The following SORCS1 variants were observed in gnomAD, a reference collection of about 807,000 sequenced individuals.
SORCS1 encodes the protein sortilin related VPS10 domain containing receptor 1, also known as VPS10 domain-containing receptor SorCS1.
A neutral mutation model predicts 146.1 loss-of-function variants in SORCS1; 60 were observed. That is an observed-to-expected ratio of 0.41 (90% confidence interval 0.33 to 0.51). The LOEUF (loss-of-function observed/expected upper bound fraction) is 0.51, where lower values mean the gene tolerates loss of function less well. SORCS1 is among the 20% of genes least tolerant of loss of function. The pLI is 0.21. For missense variants in SORCS1, 1,352 were observed against 1,487.6 expected (o/e 0.91, Z 1.50); for synonymous variants, 637 against 584.0 (o/e 1.09, Z -1.31).
At chr10:107,012,106 C>G (rs564567939) in intron 1 of SORCS1, among the ~76,000 whole-genome samples, 2 of 152,032 alleles carry the variant, frequency 1.3e-5, no homozygotes, top group Non-Finnish European at 2.9e-5. Context: ...GATTTTTTTT[C>G]GTGAGTTCCT....
chr10:106,671,516 G>T, intron 15 of SORCS1, 149 bp from the exon 16 acceptor site: 1 of 1,061,150 alleles, frequency 9.4e-7, no homozygotes, highest in Non-Finnish European at 1.4e-6. Context: ...TTCCTTTTGC[G>T]GTCTAGAGCC....
chr10:106,976,345 T>TTTGTTTTTG, intron 1 of SORCS1, among the ~76,000 whole-genome samples: 2 of 148,276 alleles, frequency 1.3e-5, no homozygotes, highest in African/African-American at 4.9e-5. Flanking sequence ...TTTTTTTTTT[T>TTTGTTTTTG]TTTTGAGACG....
intron 1 of SORCS1, among the ~76,000 whole-genome samples, chr10:107,148,242 A>G (rs555749089): frequency 6.6e-6 from 1 of 152,268 alleles, no homozygotes; most frequent in East Asian, 1.9e-4. Flanking sequence ...ATTCTCTCCA[A>G]TCTCCTAAAT....
intron 1 of SORCS1, among the ~76,000 whole-genome samples, chr10:106,966,443 T>A (rs1564865056): frequency 3.9e-5 from 6 of 152,214 alleles, no homozygotes; most frequent in Admixed American, 2.6e-4. Flanking sequence ...AAGTATTTAA[T>A]CCCTAAATGC....
chr10:106,820,524 G>A, intron 3 of SORCS1, among the ~76,000 whole-genome samples: 1 of 152,180 alleles, frequency 6.6e-6, no homozygotes, highest in Non-Finnish European at 1.5e-5. Flanking sequence ...AAACAATTTA[G>A]CCCCTGAGGC....
chr10:106,934,557 C>T (rs916438345), intron 2 of SORCS1, among the ~76,000 whole-genome samples: 1 of 152,094 alleles, frequency 6.6e-6, no homozygotes, highest in South Asian at 2.1e-4. Flanking sequence ...CTGCACCCGG[C>T]CAGTATGGAG....
intron 2 of SORCS1, among the ~76,000 whole-genome samples, chr10:106,923,027 T>C (rs1952794652): frequency 6.6e-6 from 1 of 152,040 alleles, no homozygotes; most frequent in East Asian, 1.9e-4. Context: ...TAGCTGGGAC[T>C]ATAGGCGCAC....
chr10:106,694,329 GGCTCACTGCAACCTCCACCTCATGGGT>G (rs1292037415), intron 9 of SORCS1, among the ~76,000 whole-genome samples: 5 of 151,882 alleles, frequency 3.3e-5, no homozygotes, highest in African/African-American at 1.2e-4. Flanking sequence ...GCACCATCTC[GGCTCACTGCAACCTCCACCTCATGGGT>G]GCAAGTGATT....
At chr10:106,582,175 C>G (rs1455865675) in intron 24 of SORCS1, among the ~76,000 whole-genome samples, 2 of 152,044 alleles carry the variant, frequency 1.3e-5, no homozygotes, top group African/African-American at 2.4e-5. Flanking sequence ...CTTTTCCCTT[C>G]TCTTTCCTTC....
chr10:106,894,762 G>T (rs986858899), intron 2 of SORCS1, among the ~76,000 whole-genome samples: 8 of 152,142 alleles, frequency 5.3e-5, no homozygotes, highest in African/African-American at 1.9e-4. Context: ...AAAAAGACTT[G>T]TTATTTTATC....
At chr10:106,850,121 G>C (rs529588631) in intron 2 of SORCS1, among the ~76,000 whole-genome samples, 1 of 151,768 alleles carries the variant, frequency 6.6e-6, no homozygotes. Context: ...CACCCAGTTC[G>C]AGCTTCCCGG....
chr10:107,048,877 A>G (rs887267217), intron 1 of SORCS1, among the ~76,000 whole-genome samples: 1 of 152,178 alleles, frequency 6.6e-6, no homozygotes, highest in Admixed American at 6.5e-5. Flanking sequence ...CAGTAGCGGT[A>G]AATTTGTGTT....
chr10:106,699,775 T>C (rs926736613), intron 8 of SORCS1, among the ~76,000 whole-genome samples: 8 of 152,144 alleles, frequency 5.3e-5, no homozygotes, highest in African/African-American at 1.9e-4. Context: ...GAGGAAAAGC[T>C]GGAGGAACAG....
At chr10:106,765,480 A>G (rs1405741504) in intron 4 of SORCS1, among the ~76,000 whole-genome samples, 6 of 152,058 alleles carry the variant, frequency 3.9e-5, no homozygotes, top group African/African-American at 1.4e-4. Context: ...AAAGGATGAA[A>G]TTGCCAGGGT....
At chr10:107,046,361 T>C (rs1391635732) in intron 1 of SORCS1, among the ~76,000 whole-genome samples, 5 of 152,156 alleles carry the variant, frequency 3.3e-5, no homozygotes, top group African/African-American at 1.2e-4. Context: ...CATGAGCGAC[T>C]GTATGTGGCC....
the SORCS1 span, among the ~76,000 whole-genome samples, chr10:107,175,622 G>T: frequency 6.6e-6 from 1 of 152,116 alleles, no homozygotes; most frequent in East Asian, 1.9e-4. Context: ...TTTTGGTAGA[G>T]ACGGGGTTTC....
At chr10:106,858,659 T>C (rs369550201) in intron 2 of SORCS1, among the ~76,000 whole-genome samples, 297 of 147,972 alleles carry the variant, frequency 2.0e-3, no homozygotes, top group African/African-American at 6.9e-3. Flanking sequence ...TTGATTGGGG[T>C]TGTGTGCAGA....
At chr10:106,950,760 G>C (rs1261994117) in intron 2 of SORCS1, among the ~76,000 whole-genome samples, 2 of 152,162 alleles carry the variant, frequency 1.3e-5, no homozygotes, top group African/African-American at 2.4e-5. Context: ...ATGGAGTTCA[G>C]TAACATGTCT....
At chr10:107,051,070 T>G (rs1960063070) in intron 1 of SORCS1, among the ~76,000 whole-genome samples, 1 of 152,088 alleles carries the variant, frequency 6.6e-6, no homozygotes, top group Non-Finnish European at 1.5e-5. Flanking sequence ...ACACCTACAA[T>G]GGATCAGGCA....
Sources: gnomAD v4.1 joint callset for allele counts (sites outside exome capture counted in the v4.1 genomes callset) on GRCh38, gnomAD v4.1.1 for gene constraint, MANE v1.5 for transcripts, NCBI Gene and HGNC (gene_info 2026-07-23, HGNC 2026-07-21) for gene names.